CTNND2: variants seen among roughly 807,000 people sequenced by gnomAD.
CTNND2 encodes the protein catenin delta-2.
In CTNND2, 22 loss-of-function variants were observed where a neutral mutation model predicts 144.4. The observed-to-expected ratio is 0.15, with a 90% confidence interval of 0.11 to 0.22. The LOEUF (loss-of-function observed/expected upper bound fraction) is 0.22. Among genes scored for constraint, CTNND2 ranks in the 10% least tolerant of loss-of-function variants. The pLI is 1.00. For synonymous variants in CTNND2, 751 were observed against 695.6 expected, an observed-to-expected ratio of 1.08 and a Z score of -1.25; for missense variants, 1,353 against 1,618.8, an observed-to-expected ratio of 0.84 and a Z score of 2.82.
intron 3 of CTNND2, among the ~76,000 whole-genome samples, chr5:11,442,402 G>A (rs962344052): frequency 4.6e-5 from 7 of 152,076 alleles, no homozygotes; most frequent in Non-Finnish European, 1.0e-4. Flanking sequence ...TCAGTATTAT[G>A]AAAATACAAC....
chr5:11,313,842 T>A (rs1751232746), intron 9 of CTNND2, among the ~76,000 whole-genome samples: 1 of 152,108 alleles, frequency 6.6e-6, no homozygotes, highest in African/African-American at 2.4e-5. Flanking sequence ...CTTACACTCA[T>A]GGCAGAACGT....
chr5:11,793,677 T>C (rs1222952302), intron 1 of CTNND2, among the ~76,000 whole-genome samples: 1 of 152,088 alleles, frequency 6.6e-6, no homozygotes. Context: ...TGAGAGAGCA[T>C]GGCACAGCTG....
chr5:11,101,099 C>G (rs913469462), intron 14 of CTNND2, among the ~76,000 whole-genome samples: 1 of 152,064 alleles, frequency 6.6e-6, no homozygotes, highest in Admixed American at 6.6e-5. Flanking sequence ...AGATGGAGTT[C>G]AAAGGGGATT....
intron 3 of CTNND2, among the ~76,000 whole-genome samples, chr5:11,486,019 C>T (rs1313484798): frequency 6.6e-6 from 1 of 151,970 alleles, no homozygotes; most frequent in Non-Finnish European, 1.5e-5. Flanking sequence ...ATAAGAAGCC[C>T]TATAAATAAA....
chr5:11,724,859 T>C (rs950366077), intron 2 of CTNND2, among the ~76,000 whole-genome samples: 2 of 152,186 alleles, frequency 1.3e-5, no homozygotes, highest in African/African-American at 4.8e-5. Flanking sequence ...ACTTGGGGAA[T>C]GAAGCTATTT....
At position 11,853,890 on chromosome 5, in the gene CTNND2, T is replaced by C. The variant is rs552728435; in HGVS notation, c.37+49927A>G. Among the ~76,000 whole-genome samples the C allele has an allele frequency of 5.3e-5, 8 of 152,314 alleles. No homozygotes were observed. The South Asian group carries it at 1.7e-3, about 32-fold the overall frequency. On this transcript the variant is annotated intron_variant, in intron 1 of 21. Transcript: ENST00000304623. ...GAGCCGCCATCATGAGTCATTTGGA[T>C]TGACAACATCATCTCTGAACTGGTC...
At chr5:11,571,540 C>T (rs890437028) in intron 2 of CTNND2, among the ~76,000 whole-genome samples, 1 of 152,162 alleles carries the variant, frequency 6.6e-6, no homozygotes, top group African/African-American at 2.4e-5. Flanking sequence ...ATTAATTTCA[C>T]CCCTTCCAGA....
chr5:11,141,703 G>GAT (rs1451538202), intron 12 of CTNND2, among the ~76,000 whole-genome samples: 1 of 152,166 alleles, frequency 6.6e-6, no homozygotes, highest in Non-Finnish European at 1.5e-5. Context: ...AGGAGCCCAG[G>GAT]TTGGCAGCAG....
intron 3 of CTNND2, among the ~76,000 whole-genome samples, chr5:11,485,396 C>A (rs1351054257): frequency 6.7e-6 from 1 of 149,290 alleles, no homozygotes. Context: ...CGTGCGCGCG[C>A]ACATTCAATG....
At chr5:11,218,638 T>G (rs1344562006) in intron 10 of CTNND2, among the ~76,000 whole-genome samples, 1 of 152,210 alleles carries the variant, frequency 6.6e-6, no homozygotes. Flanking sequence ...GCTTCCTTTT[T>G]AGCTTGAACT....
chr5:11,025,291 G>GA (rs1742707394), intron 16 of CTNND2, among the ~76,000 whole-genome samples: 1 of 152,116 alleles, frequency 6.6e-6, no homozygotes, highest in Non-Finnish European at 1.5e-5. Flanking sequence ...TTTAGCCTTT[G>GA]ATTATGTGTT....
intron 7 of CTNND2, among the ~76,000 whole-genome samples, chr5:11,383,078 G>A (rs1472839094): frequency 1.3e-5 from 2 of 152,180 alleles, no homozygotes; most frequent in African/African-American, 4.8e-5. Context: ...CCACACTCTC[G>A]ATTGCTACTG....
chr5:11,525,936 G>A (rs1251845417), intron 3 of CTNND2, among the ~76,000 whole-genome samples: 4 of 152,090 alleles, frequency 2.6e-5, no homozygotes, highest in Admixed American at 6.6e-5. Context: ...GCAGAGTCTC[G>A]CTCTGTCACC....
chr5:11,167,224 C>T (rs1759426418), intron 11 of CTNND2, among the ~76,000 whole-genome samples: 1 of 152,152 alleles, frequency 6.6e-6, no homozygotes, highest in Non-Finnish European at 1.5e-5. Flanking sequence ...AATTGGAGTG[C>T]CATGGTCCAT....
intron 1 of CTNND2, among the ~76,000 whole-genome samples, chr5:11,737,895 A>G (rs1331941642): frequency 6.6e-6 from 1 of 152,248 alleles, no homozygotes; most frequent in Non-Finnish European, 1.5e-5. Context: ...GAGGTGGCCT[A>G]CTGGCACCTT....
At chr5:11,900,070 G>A (rs1337516991) in intron 1 of CTNND2, among the ~76,000 whole-genome samples, 8 of 152,038 alleles carry the variant, frequency 5.3e-5, no homozygotes, top group African/African-American at 1.7e-4. Flanking sequence ...TAATATATAA[G>A]AACCCAATAA....
At chr5:11,749,145 G>A (rs1208402376) in intron 1 of CTNND2, among the ~76,000 whole-genome samples, 2 of 151,932 alleles carry the variant, frequency 1.3e-5, no homozygotes, top group South Asian at 2.1e-4. Flanking sequence ...TCCAGTCCCA[G>A]GCCTGCTTCA....
At chr5:11,650,569 T>C (rs1782596498) in intron 2 of CTNND2, among the ~76,000 whole-genome samples, 5 of 152,142 alleles carry the variant, frequency 3.3e-5, no homozygotes, top group Non-Finnish European at 7.3e-5. Context: ...TGTTGAACTT[T>C]CTAGAGATTT....
intron 9 of CTNND2, among the ~76,000 whole-genome samples, chr5:11,341,544 AG>A (rs1246500858): frequency 6.6e-6 from 1 of 152,242 alleles, no homozygotes; most frequent in Non-Finnish European, 1.5e-5. Context: ...TGAAGTTAAA[AG>A]CAAACTACCC....
Sources: gnomAD v4.1 joint callset for allele counts (sites outside exome capture counted in the v4.1 genomes callset) on GRCh38, gnomAD v4.1.1 for gene constraint, MANE v1.5 for transcripts, NCBI Gene and HGNC (gene_info 2026-07-23, HGNC 2026-07-21) for gene names.